Variants in PRKAR2B observed in about 807,000 individuals in gnomAD.
The protein encoded by PRKAR2B is cAMP-dependent protein kinase type II-beta regulatory subunit.
Under a neutral mutation model 49.9 loss-of-function variants are expected in PRKAR2B, and 14 were observed. That is an observed-to-expected ratio of 0.28 (90% CI 0.19 to 0.44). The LOEUF (loss-of-function observed/expected upper bound fraction) is 0.44, where lower values mean the gene tolerates loss of function less well. PRKAR2B is among the 20% of genes least tolerant of loss of function. The pLI, the probability that PRKAR2B is intolerant of heterozygous loss-of-function variation, is 1.00. For missense variants in PRKAR2B, 393 were observed against 537.9 expected (o/e 0.73, Z 2.67); for synonymous variants, 196 against 197.7 (o/e 0.99, Z 0.07).
intron 1 of PRKAR2B, among the ~76,000 whole-genome samples, chr7:107,065,786 A>G (rs1794126204): frequency 6.6e-6 from 1 of 152,188 alleles, no homozygotes; most frequent in Non-Finnish European, 1.5e-5. Context: ...AGGCACTGTG[A>G]TAGGCATTGG....
intron 2 of PRKAR2B, among the ~76,000 whole-genome samples, chr7:107,095,241 C>T (rs1189498992): frequency 6.6e-6 from 1 of 152,092 alleles, no homozygotes; most frequent in African/African-American, 2.4e-5. Context: ...AAGTTGGATT[C>T]CTAGGTATTT....
intron 1 of PRKAR2B, among the ~76,000 whole-genome samples, chr7:107,045,532 C>A (rs780878894): frequency 6.6e-6 from 1 of 152,186 alleles, no homozygotes. Context: ...AGACAACTTT[C>A]GCTGTGGTTG....
intron 2 of PRKAR2B, among the ~76,000 whole-genome samples, chr7:107,082,951 C>G (rs1028465167): frequency 6.6e-6 from 1 of 152,068 alleles, no homozygotes; most frequent in South Asian, 2.1e-4. Flanking sequence ...GTTGGTGAGA[C>G]TGAAGTGTCT....
At chr7:107,091,264 A>T (rs962537475) in intron 2 of PRKAR2B, among the ~76,000 whole-genome samples, 1 of 152,220 alleles carries the variant, frequency 6.6e-6, no homozygotes, top group Non-Finnish European at 1.5e-5. Flanking sequence ...CTGTCACTTT[A>T]GTTAAATTCA....
intron 6 of PRKAR2B, among the ~76,000 whole-genome samples, chr7:107,150,329 T>C (rs928638342): frequency 6.6e-6 from 1 of 152,126 alleles, no homozygotes; most frequent in African/African-American, 2.4e-5. Flanking sequence ...CTCAAAAACA[T>C]AGTTGTAGTT....
chr7:107,106,431 A>G (rs1287250149), intron 2 of PRKAR2B, among the ~76,000 whole-genome samples: 2 of 152,178 alleles, frequency 1.3e-5, no homozygotes, highest in Admixed American at 1.3e-4. Context: ...GGACAATAAT[A>G]TTTGCAACTC....
intron 3 of PRKAR2B, among the ~76,000 whole-genome samples, chr7:107,127,283 A>G (rs1349896438): frequency 6.6e-6 from 1 of 152,174 alleles, no homozygotes; most frequent in Admixed American, 6.5e-5. Context: ...TGGAATAGGA[A>G]AGGGTGGTGT....
intron 2 of PRKAR2B, among the ~76,000 whole-genome samples, chr7:107,096,407 A>T (rs1330818750): frequency 6.7e-6 from 1 of 150,202 alleles, no homozygotes. Flanking sequence ...ATTCTTTGTT[A>T]GTCTTGCTAG....
At chr7:107,055,012 T>G (rs1793883941) in intron 1 of PRKAR2B, among the ~76,000 whole-genome samples, 1 of 152,054 alleles carries the variant, frequency 6.6e-6, no homozygotes, top group South Asian at 2.1e-4. Flanking sequence ...CCTTCCTGTG[T>G]CCATGTGTTC....
chr7:107,092,766 T>C (rs1430027302), intron 2 of PRKAR2B, among the ~76,000 whole-genome samples: 2 of 152,200 alleles, frequency 1.3e-5, no homozygotes, highest in African/African-American at 4.8e-5. Flanking sequence ...GGTGTATGGT[T>C]CTGTGGTATT....
At chr7:107,102,091 C>T (rs1213883673) in intron 2 of PRKAR2B, among the ~76,000 whole-genome samples, 1 of 152,112 alleles carries the variant, frequency 6.6e-6, no homozygotes, top group Non-Finnish European at 1.5e-5. Context: ...CCTGTAATCC[C>T]AGCTACTCTG....
chr7:107,157,431 C>T (rs1324334502), intron 10 of PRKAR2B, 107 bp downstream of exon 10: 25 of 1,348,670 alleles, frequency 1.9e-5, no homozygotes, highest in Non-Finnish European at 2.3e-5. Flanking sequence ...TTTTGTGGTC[C>T]CCACAAAAGG....
At chr7:107,139,721 A>G (rs1187041742) in intron 4 of PRKAR2B, among the ~76,000 whole-genome samples, 1 of 152,170 alleles carries the variant, frequency 6.6e-6, no homozygotes, top group East Asian at 1.9e-4. Flanking sequence ...ACTCTATACT[A>G]TTGTAGATTC....
chr7:107,076,637 A>G (rs987080353), intron 2 of PRKAR2B, among the ~76,000 whole-genome samples: 2 of 152,184 alleles, frequency 1.3e-5, no homozygotes, highest in Non-Finnish European at 2.9e-5. Flanking sequence ...CTAATAAGTA[A>G]TTATTTCTTA....
intron 2 of PRKAR2B, among the ~76,000 whole-genome samples, chr7:107,117,451 C>CTAA (rs1236586540): frequency 6.6e-6 from 1 of 152,166 alleles, no homozygotes; most frequent in Non-Finnish European, 1.5e-5. Flanking sequence ...TTGAAGGCCT[C>CTAA]TAAACCACGC....
chr7:107,106,996 C>G (rs11772066), intron 2 of PRKAR2B, among the ~76,000 whole-genome samples: 13,653 of 152,208 alleles, frequency 0.09, 668 homozygotes, highest in Middle Eastern at 0.16. Flanking sequence ...CATTTTTCCT[C>G]CTTTTTACAG....
At chr7:107,073,031 T>A (rs2536502) in intron 2 of PRKAR2B, among the ~76,000 whole-genome samples, 3 of 151,966 alleles carry the variant, frequency 2.0e-5, no homozygotes, top group Non-Finnish European at 2.9e-5. Flanking sequence ...TGTAGTGCTA[T>A]GTGTTCTATC....
At chr7:107,067,875 T>C (rs942986060) in intron 1 of PRKAR2B, among the ~76,000 whole-genome samples, 1 of 152,212 alleles carries the variant, frequency 6.6e-6, no homozygotes, top group South Asian at 2.1e-4. Context: ...ACTGCATAAA[T>C]GAATCAAGTG....
At chr7:107,100,771 C>A (rs1794944596) in intron 2 of PRKAR2B, among the ~76,000 whole-genome samples, 1 of 151,440 alleles carries the variant, frequency 6.6e-6, no homozygotes, top group South Asian at 2.1e-4. Context: ...CTCTTGAGCC[C>A]ACCTAATGAG....
Sources: allele counts gnomAD v4.1 joint callset (sites outside exome capture counted in the v4.1 genomes callset), GRCh38; gene constraint gnomAD v4.1.1; transcripts MANE v1.5; gene names NCBI Gene and HGNC (gene_info 2026-07-23, HGNC 2026-07-21).